Variants in KCNMB2 observed in about 807,000 individuals in gnomAD.
KCNMB2 encodes the protein potassium calcium-activated channel subfamily M regulatory beta subunit 2, also known as calcium-activated potassium channel subunit beta-2.
A neutral mutation model predicts 24.5 loss-of-function variants in KCNMB2; 9 were observed. The ratio of observed to expected loss-of-function variants is 0.37; its 90% CI spans 0.22 to 0.64. The LOEUF is 0.64. KCNMB2 is among the 30% of genes least tolerant of loss of function. The pLI, the probability that KCNMB2 is intolerant of heterozygous loss-of-function variation, is 0.63. For synonymous variants in KCNMB2, 109 were observed against 104.4 expected (o/e 1.04, Z -0.27); for missense variants, 226 against 284.3 (o/e 0.79, Z 1.47).
chr3:178,597,645 G>C (rs1214167788), intron 1 of KCNMB2, among the ~76,000 whole-genome samples: 2 of 152,140 alleles, frequency 1.3e-5, no homozygotes, highest in Non-Finnish European at 2.9e-5. Context: ...CATTCACCAT[G>C]AACTGCATTA....
At position 178,757,767 on chromosome 3, in the gene KCNMB2, T is replaced by TCC. The variant is rs1225002921; in HGVS notation, c.-67-49576_-67-49575insCC. ...ATATATATAAGAGGATATATATATATATCCAAGAGGATATATATACATATA... is the reference window on the plus strand; with the variant it reads ...ATATATATAAGAGGATATATATATATCCATCCAAGAGGATATATATACATATA... On this transcript the variant is annotated intron_variant, in intron 1 of 4. Transcript: ENST00000452583. 5.7e-4 allele frequency among the ~76,000 whole-genome samples: 62 copies of TCC among 109,060 alleles called. 6 individuals carry two copies. The highest frequency in any genetic ancestry group is 9.2e-4 in the African/African-American group (26 of 28,236). The allele number at this position is 109,060 out of a possible 152,430, so 71.5% of individuals were successfully genotyped here.
chr3:178,738,820 C>T (rs932155290), intron 1 of KCNMB2, among the ~76,000 whole-genome samples: 4 of 152,138 alleles, frequency 2.6e-5, no homozygotes, highest in African/African-American at 9.7e-5. Context: ...TCTTTACCAG[C>T]ATCTATAGTT....
chr3:178,811,266 A>T (rs2108455237), intron 2 of KCNMB2, among the ~76,000 whole-genome samples: 1 of 152,334 alleles, frequency 6.6e-6, no homozygotes, highest in East Asian at 1.9e-4. Context: ...TCAGTTTAAA[A>T]AACAAAACAA....
At chr3:178,706,749 G>T (rs7618736) in intron 1 of KCNMB2, among the ~76,000 whole-genome samples, 2,409 of 152,074 alleles carry the variant, frequency 0.016, 67 homozygotes, top group African/African-American at 0.055. Context: ...CCAGTTTTTT[G>T]CAAGTGCGCA....
At chr3:178,829,031 A>G (rs13321676) in intron 4 of KCNMB2, among the ~76,000 whole-genome samples, 11,662 of 151,760 alleles carry the variant, frequency 0.077, 566 homozygotes, top group African/African-American at 0.13. Flanking sequence ...AAGATATTCA[A>G]GTCCACATGG....
intron 1 of KCNMB2, among the ~76,000 whole-genome samples, chr3:178,761,121 C>T (rs1407482285): frequency 6.6e-6 from 1 of 152,120 alleles, no homozygotes; most frequent in Admixed American, 6.6e-5. Flanking sequence ...TTCTCCGAGT[C>T]TGCACTAACT....
intron 1 of KCNMB2, among the ~76,000 whole-genome samples, chr3:178,539,343 T>C (rs1715537884): frequency 6.6e-6 from 1 of 152,172 alleles, no homozygotes; most frequent in Non-Finnish European, 1.5e-5. Flanking sequence ...TAGAAAAAAA[T>C]GCATCAAAAT....
intron 2 of KCNMB2, among the ~76,000 whole-genome samples, chr3:178,817,484 A>T (rs9819552): frequency 0.26 from 39,790 of 151,726 alleles, 7,005 homozygotes; most frequent in African/African-American, 0.51. Context: ...TGTTCATCAA[A>T]GCCATGCCTT....
chr3:178,592,769 G>A, intron 1 of KCNMB2, among the ~76,000 whole-genome samples: 1 of 152,070 alleles, frequency 6.6e-6, no homozygotes, highest in Non-Finnish European at 1.5e-5. Flanking sequence ...ATCTACGTTA[G>A]CATCACTGCA....
At chr3:178,601,503 C>A (rs1448542866) in intron 1 of KCNMB2, among the ~76,000 whole-genome samples, 1 of 152,162 alleles carries the variant, frequency 6.6e-6, no homozygotes, top group Middle Eastern at 3.2e-3. Context: ...ATAGCATAAT[C>A]TTGAGGTCAG....
intron 1 of KCNMB2, among the ~76,000 whole-genome samples, chr3:178,780,059 A>AG (rs1560018470): frequency 8.9e-6 from 1 of 112,598 alleles, no homozygotes; most frequent in Non-Finnish European, 2.2e-5. Flanking sequence ...TTTTTAAAAA[A>AG]AAAAAAAAAA....
At chr3:178,614,273 A>G (rs1222785882) in intron 1 of KCNMB2, among the ~76,000 whole-genome samples, 7,935 of 93,936 alleles carry the variant, frequency 0.084, 770 homozygotes, top group Middle Eastern at 0.18. Context: ...ATATATATAT[A>G]TATATATATA....
At chr3:178,737,946 A>G (rs139039914) in intron 1 of KCNMB2, among the ~76,000 whole-genome samples, 1,795 of 152,324 alleles carry the variant, frequency 0.012, 41 homozygotes, top group South Asian at 0.1. Context: ...CAAATACTCA[A>G]CTAGGTATCA....
At chr3:178,677,126 T>C (rs896717615) in intron 1 of KCNMB2, among the ~76,000 whole-genome samples, 2 of 152,172 alleles carry the variant, frequency 1.3e-5, no homozygotes, top group Non-Finnish European at 2.9e-5. Flanking sequence ...CCTCATGGTG[T>C]AAACTTTGCC....
In KCNMB2 at chr3:178,785,156, G is replaced by T. The variant is rs540504733; in HGVS notation, c.-67-22187G>T. On this transcript the variant is annotated intron_variant, in intron 1 of 4. Coordinates refer to ENST00000452583, the MANE Select transcript of KCNMB2 (RefSeq NM_181361.3). ...ATAATAAACATCATTATTAATCAAA[G>T]AAATGAAAATGTTCAATAAGATACC... Among the ~76,000 whole-genome samples the T allele has an allele frequency of 2.2e-3, 334 of 151,906 alleles. 2 individuals are homozygous for T. Among genetic ancestry groups the T allele is most frequent in the African/African-American group, 7.6e-3 (315 of 41,494 alleles).
intron 1 of KCNMB2, among the ~76,000 whole-genome samples, chr3:178,564,786 A>C (rs1054037950): frequency 2.0e-5 from 3 of 152,176 alleles, no homozygotes; most frequent in African/African-American, 7.2e-5. Context: ...AAGCAAAATT[A>C]TTACCTCAGC....
rs562062057 is a variant in KCNMB2, at chr3:178,660,294, T to A, written c.-68+123583T>A. Among the ~76,000 whole-genome samples, 4 of 152,298 alleles carry A rather than the reference T, an allele frequency of 2.6e-5. No individual in the cohort carries two copies. In the South Asian group the frequency reaches 6.2e-4, roughly 24 times the overall value. On this transcript the variant is annotated intron_variant, in intron 1 of 4. Transcript: ENST00000452583. ...TACAGCACCAGACAATGGTAGGCATTCAACTGAAAATAGTCATTATTTTTA... is the reference window on the plus strand; with the variant it reads ...TACAGCACCAGACAATGGTAGGCATACAACTGAAAATAGTCATTATTTTTA...
intron 1 of KCNMB2, among the ~76,000 whole-genome samples, chr3:178,746,234 C>T (rs1378053780): frequency 2.0e-5 from 3 of 152,188 alleles, no homozygotes; most frequent in Non-Finnish European, 2.9e-5. Context: ...CAATTCTTGA[C>T]TTCTGTGTAC....
intron 1 of KCNMB2, among the ~76,000 whole-genome samples, chr3:178,655,140 C>A (rs886482771): frequency 2.2e-3 from 290 of 130,198 alleles, no homozygotes; most frequent in Non-Finnish European, 4.0e-3. Context: ...CTCTCTCTCT[C>A]TCTATCTCTA....
Sources: allele counts gnomAD v4.1 joint callset (sites outside exome capture counted in the v4.1 genomes callset), GRCh38; gene constraint gnomAD v4.1.1; transcripts MANE v1.5; gene names NCBI Gene and HGNC (gene_info 2026-07-23, HGNC 2026-07-21).